SFPQ: variants seen among roughly 807,000 people sequenced by gnomAD.
The protein encoded by SFPQ is splicing factor proline and glutamine rich, also known as splicing factor, proline- and glutamine-rich.
SFPQ carries 11 observed loss-of-function variants against 72.9 expected under a neutral mutation model. The ratio of observed to expected loss-of-function variants is 0.15; its 90% CI spans 0.09 to 0.25. The LOEUF is 0.25. Ranked by LOEUF, SFPQ falls within the 10% of genes least tolerant of loss-of-function variation. SFPQ has a pLI of 1.00. For synonymous variants in SFPQ, 506 were observed against 367.3 expected (o/e 1.38, Z -4.32); for missense variants, 847 against 993.3 (o/e 0.85, Z 1.98).
intron 4 of SFPQ, among the ~76,000 whole-genome samples, chr1:35,190,239 AAC>A (rs1639929821): frequency 6.6e-6 from 1 of 152,242 alleles, no homozygotes; most frequent in Non-Finnish European, 1.5e-5. Flanking sequence ...TGGCCTGGGC[AAC>A]AGAGACTCAG....
chr1:35,193,129 T>C lies in SFPQ; in HGVS notation c.-80A>G. 1 of 1,482,950 alleles carries C rather than the reference T, an allele frequency of 6.7e-7. No homozygotes were observed. 91.9% of individuals were successfully genotyped at this position (1,482,950 alleles called of 1,614,324 possible). Reference sequence around the variant, plus strand: ...GGAGGCCACCTTGCTTCTCACAAAATGGCGGATGACACAGGCGGCGCGCCG... The same window carrying C: ...GGAGGCCACCTTGCTTCTCACAAAACGGCGGATGACACAGGCGGCGCGCCG... On this transcript the variant is annotated 5_prime_UTR_variant, in exon 1 of 10. Coordinates refer to ENST00000357214, the MANE Select transcript of SFPQ (RefSeq NM_005066.3).
downstream of SFPQ, chr1:35,180,748 A>G: frequency 2.8e-6 from 3 of 1,060,902 alleles, no homozygotes; most frequent in East Asian, 1.5e-4. Flanking sequence ...TACAATAGAG[A>G]CTAATTATCA....
intron 1 of SFPQ, 108 bp downstream of exon 1, chr1:35,192,114 C>G: frequency 2.1e-6 from 2 of 947,096 alleles, no homozygotes; most frequent in Non-Finnish European, 2.7e-6. Context: ...CGCGCGCAAG[C>G]GCCCCTTCCG....
chr1:35,192,638 TTGG>T lies in SFPQ; in HGVS notation c.409_411del (p.Pro137del). 1 of 1,374,176 alleles carries T rather than the reference TTGG, an allele frequency of 7.3e-7. No homozygotes were observed. Among genetic ancestry groups the T allele is most frequent in the Non-Finnish European group, 9.3e-7 (1 of 1,073,138 alleles). 85.1% of individuals were successfully genotyped at this position (1,374,176 alleles called of 1,614,324 possible). A position where few individuals can be genotyped will look rare whatever the true frequency, so the allele number is the denominator to read the frequency against. On this transcript the variant is annotated inframe_deletion, in exon 1 of 10. Transcript: ENST00000357214. ...CCGGACCCTGGCGGGGCCCCCGAGG[TTGG>T]TGGAGTGGCGGGCGGGGCCGAGCTG...
Position 35,193,019 on chromosome 1 carries a change from C to T in SFPQ, c.31G>A (p.Gly11Ser), listed in dbSNP as rs746529200. 1.3e-6 allele frequency: 2 copies of T among 1,584,994 alleles called. No homozygotes were observed. Among genetic ancestry groups the T allele is most frequent in the South Asian group, 2.2e-5 (2 of 89,612 alleles). Residue 11 changes from glycine (G) to serine (S), a missense_variant, in exon 1 of 10, where the codon GGT becomes AGT. Gly to Ser is a moderately conservative substitution (Grantham distance 56). Coordinates refer to ENST00000357214, the MANE Select transcript of SFPQ (RefSeq NM_005066.3). Reference sequence around the variant, plus strand: ...CGCCTGTGGAAGCCACCACCGCCACCGCCACGACTCCGGAACCGATCCCGA... The same window carrying T: ...CGCCTGTGGAAGCCACCACCGCCACTGCCACGACTCCGGAACCGATCCCGA... Reference protein sequence around the residue: MSRDRFRSRGGGGGGFHRRGG... With the variant: MSRDRFRSRGSGGGGFHRRGG...
In SFPQ at chr1:35,182,987, T is replaced by A; in HGVS notation, c.*1469A>T. 1 of 1,041,148 alleles carries A rather than the reference T, an allele frequency of 9.6e-7. No individual in the cohort carries two copies. The highest frequency in any genetic ancestry group is 1.2e-6 in the Non-Finnish European group (1 of 864,212). 64.5% of individuals were successfully genotyped at this position (1,041,148 alleles called of 1,614,324 possible). ...GAAGGGATATTTGTACTGTGTAGCA[T>A]GAGCAACTTTCTCCAGATTTAGTGC... On this transcript the variant is annotated 3_prime_UTR_variant, in exon 10 of 10. Transcript: ENST00000357214.
chr1:35,192,015 A>G (rs1319878054), intron 1 of SFPQ, among the ~76,000 whole-genome samples: 1 of 151,710 alleles, frequency 6.6e-6, no homozygotes, highest in Non-Finnish European at 1.5e-5. Context: ...AACCTCCCCT[A>G]GCCTTCCGCC....
rs1219992556 is a variant in SFPQ at position 35,189,394 on chromosome 1, C to G, written c.1416-12G>C. 6.2e-7 allele frequency: 1 copy of G among 1,606,732 alleles called. No individual in the cohort carries two copies. The highest frequency in any genetic ancestry group is 8.5e-7 in the Non-Finnish European group (1 of 1,174,830). On this transcript the variant is annotated splice_polypyrimidine_tract_variant and intron_variant, in intron 4 of 9. Transcript: ENST00000357214. ...GGGTTTCTCTCTCCCTAACAATACACAAAATTTTAACATGAACCGATTTGT... is the reference window on the plus strand; with the variant it reads ...GGGTTTCTCTCTCCCTAACAATACAGAAAATTTTAACATGAACCGATTTGT...
chr1:35,185,693 TAAAC>T (rs1473852812), intron 9 of SFPQ, among the ~76,000 whole-genome samples: 1 of 152,208 alleles, frequency 6.6e-6, no homozygotes, highest in African/African-American at 2.4e-5. Flanking sequence ...AACATTCTTT[TAAAC>T]AAAATACTAT....
downstream of SFPQ, chr1:35,179,857 C>T: frequency 2.8e-6 from 3 of 1,053,890 alleles, no homozygotes; most frequent in Non-Finnish European, 3.4e-6. Flanking sequence ...CAAGCACTGG[C>T]CACCGATTTA....
chr1:35,180,049 G>C (rs1639402559), downstream of SFPQ: 1 of 1,053,972 alleles, frequency 9.5e-7, no homozygotes, highest in Non-Finnish European at 1.1e-6. Context: ...TGGACTACAT[G>C]TTAAAGTACA....
chr1:35,177,910 T>G, intron 4 of SFPQ: 1 of 579,388 alleles, frequency 1.7e-6, no homozygotes, highest in Non-Finnish European at 2.4e-6. Flanking sequence ...TATCGAAGTT[T>G]CACTCCACAT....
chr1:35,192,591 C>T lies in SFPQ; in HGVS notation c.459G>A (p.Pro153=). 9.0e-6 allele frequency: 12 copies of T among 1,337,990 alleles called. No homozygotes were observed. Among genetic ancestry groups the T allele is most frequent in the Non-Finnish European group, 1.1e-5 (12 of 1,050,890 alleles). 82.9% of individuals were successfully genotyped at this position (1,337,990 alleles called of 1,614,324 possible). Residue 153 remains proline, a synonymous_variant, in exon 1 of 10, where the codon CCG becomes CCA. Transcript: ENST00000357214. The part of the protein sequence containing the change: ...PGSGPGPTPT[P]PPAVTSAPPG... ...GAGGGGCCGAGGTGACTGCAGGCGG[C>T]GGGGTCGGAGTCGGGCCTGGCCCGG...
intron 7 of SFPQ, among the ~76,000 whole-genome samples, chr1:35,187,582 T>G (rs906500882): frequency 3.3e-5 from 5 of 151,964 alleles, no homozygotes; most frequent in Non-Finnish European, 7.4e-5. Flanking sequence ...AATACAAAAA[T>G]TAGCCGAGCC....
chr1:35,179,833 C>G, downstream of SFPQ: 5 of 1,054,044 alleles, frequency 4.7e-6, no homozygotes, highest in Non-Finnish European at 5.7e-6. Flanking sequence ...CACCCAATCA[C>G]TAAACCACGG....
rs1263623396 is a variant in SFPQ, at chr1:35,183,624, A to T, written c.*832T>A. The T allele has an allele frequency of 2.9e-6, 3 of 1,032,410 alleles. No individual in the cohort carries two copies. In the East Asian group the frequency reaches 1.8e-4, roughly 63 times the overall value. 64.0% of individuals were successfully genotyped at this position (1,032,410 alleles called of 1,614,324 possible). On this transcript the variant is annotated 3_prime_UTR_variant, in exon 10 of 10. Coordinates refer to ENST00000357214, the MANE Select transcript of SFPQ (RefSeq NM_005066.3). ...CTTCATGTTTAACATCTTTAATTCA[A>T]ATGTAAAAGTTCAATACAAGCCATT...
intron 9 of SFPQ, among the ~76,000 whole-genome samples, chr1:35,185,640 A>C (rs1365178566): frequency 1.3e-5 from 2 of 152,198 alleles, no homozygotes; most frequent in Non-Finnish European, 2.9e-5. Context: ...CAAATAAAAA[A>C]CTAAAAGGGC....
Position 35,190,720 on chromosome 1 carries a change from G to A in SFPQ, c.1293C>T (p.Cys431=). Residue 431 remains cysteine (C), a synonymous_variant, in exon 3 of 10, where the codon TGC becomes TGT. Transcript: ENST00000357214. ...KPAARKAFER[C]SEGVFLLTTT... ...TCGTCAGTAAGAAAACACCTTCACT[G>A]CATCGTTCAAATGCCTTTCTTGCTG... 1 of 1,614,174 alleles carries A rather than the reference G, an allele frequency of 6.2e-7. No homozygotes were observed. Among genetic ancestry groups the A allele is most frequent in the Non-Finnish European group, 8.5e-7 (1 of 1,180,018 alleles).
chr1:35,183,482 G>C lies in SFPQ; in HGVS notation c.*974C>G. ...TTTGCCCACCTCAGCCTCCCAAAGT[G>C]CTGGGATTACAGGCGTGAGCCACCG... On this transcript the variant is annotated 3_prime_UTR_variant, in exon 10 of 10. Transcript: ENST00000357214. 1 of 834,690 alleles carries C rather than the reference G, an allele frequency of 1.2e-6. No individual in the cohort carries two copies. The highest frequency in any genetic ancestry group is 1.5e-6 in the Non-Finnish European group (1 of 684,762). 51.7% of individuals were successfully genotyped at this position (834,690 alleles called of 1,614,324 possible).
Sources: gnomAD v4.1 joint callset for allele counts (sites outside exome capture counted in the v4.1 genomes callset) on GRCh38, gnomAD v4.1.1 for gene constraint, MANE v1.5 for transcripts, NCBI Gene and HGNC (gene_info 2026-07-23, HGNC 2026-07-21) for gene names.